The following PDXK variants were observed in gnomAD, a reference collection of about 807,000 sequenced individuals.
PDXK encodes the protein epididymis secretory sperm binding protein Li 1a.
In PDXK, 15 loss-of-function variants were observed where a neutral mutation model predicts 43.2. The observed-to-expected ratio is 0.35, with a 90% confidence interval of 0.23 to 0.53. The LOEUF is 0.53. Ranked by LOEUF, PDXK falls within the 20% of genes least tolerant of loss-of-function variation. PDXK has a pLI of 0.92. For missense variants in PDXK, 343 were observed against 417.0 expected (o/e 0.82, Z 1.54); for synonymous variants, 172 against 165.4 (o/e 1.04, Z -0.31).
chr21:43,753,468 G>C, intron 8 of PDXK, 115 bp from the exon 9 acceptor site: 1 of 1,056,968 alleles, frequency 9.5e-7, no homozygotes, highest in Non-Finnish European at 1.4e-6. Flanking sequence ...AGGCCACCTT[G>C]TGCTCTGCCC....
intron 2 of PDXK, among the ~76,000 whole-genome samples, chr21:43,740,011 C>G (rs1312211078): frequency 6.6e-6 from 1 of 151,912 alleles, no homozygotes; most frequent in South Asian, 2.1e-4. Flanking sequence ...ACCTGCCCCT[C>G]CTGACCCCAG....
rs899555200 is a variant in PDXK at position 43,732,608 on chromosome 21, T to G, written c.88-1461T>G. 4 of 800,778 alleles carry G rather than the reference T, an allele frequency of 5.0e-6. No homozygotes were observed. The African/African-American group carries it at 6.7e-5, about 13-fold the overall frequency. The allele number at this position is 800,778 out of a possible 1,614,324, so 49.6% of individuals were successfully genotyped here. A position where few individuals can be genotyped will look rare whatever the true frequency, so the allele number is the denominator to read the frequency against. ...GAATATTTTGGCAGGATTTTCAGGA[T>G]TTGTGTCATCGTTGCTTAATATCTG... On this transcript the variant is annotated intron_variant, in intron 1 of 10. Transcript: ENST00000291565. The surrounding 1 kb of genome is among the most constrained non-coding windows in gnomAD (Gnocchi z 4.1).
chr21:43,728,884 A>G (rs1410399961), intron 1 of PDXK: 2 of 985,438 alleles, frequency 2.0e-6, no homozygotes, highest in Non-Finnish European at 2.4e-6. Flanking sequence ...CCCAGGAGGA[A>G]GTTGCGACCC....
chr21:43,745,331 A>G (rs537010259), intron 4 of PDXK, among the ~76,000 whole-genome samples: 2 of 152,020 alleles, frequency 1.3e-5, no homozygotes, highest in Non-Finnish European at 2.9e-5. Flanking sequence ...GAGGCAGGAG[A>G]ATCACTTGAA....
Position 43,737,113 on chromosome 21 carries a change from T to C in PDXK, c.142+2990T>C. 9.5e-7 allele frequency: 1 copy of C among 1,057,292 alleles called. No individual in the cohort carries two copies. The highest frequency in any genetic ancestry group is 1.6e-5 in the African/African-American group (1 of 64,178). The allele number at this position is 1,057,292 out of a possible 1,614,324, so 65.5% of individuals were successfully genotyped here. On this transcript the variant is annotated intron_variant, in intron 2 of 10. Coordinates refer to ENST00000291565, the MANE Select transcript of PDXK (RefSeq NM_003681.5). The surrounding 1 kb of genome is among the most constrained non-coding windows in gnomAD (Gnocchi z 4.8). ...ACGCCCACCTCCTGCCCAGGGTTGT[T>C]ACTGGGGTGGTCACGTGGGCAGCTT...
At chr21:43,742,217 T>C (rs2083548870) in intron 3 of PDXK, among the ~76,000 whole-genome samples, 1 of 152,222 alleles carries the variant, frequency 6.6e-6, no homozygotes, top group South Asian at 2.1e-4. Flanking sequence ...TCTCACTCTG[T>C]GGCCCAGGCT....
chr21:43,728,877 A>G (rs373361957), intron 1 of PDXK: 1 of 985,572 alleles, frequency 1.0e-6, no homozygotes. Flanking sequence ...GGAAGTTCCC[A>G]GGAGGAAGTT....
chr21:43,749,168 G>C, intron 6 of PDXK, 88 bp downstream of exon 6: 3 of 735,752 alleles, frequency 4.1e-6, no homozygotes, highest in South Asian at 1.7e-5. Context: ...GCAGTGGCAC[G>C]ATCACAGCTC....
rs2083833789 is a variant in PDXK, at chr21:43,755,575, G to A, written c.760-123G>A. On this transcript the variant is annotated intron_variant, in intron 9 of 10. Coordinates refer to ENST00000291565, the MANE Select transcript of PDXK (RefSeq NM_003681.5). ...TTCAGCACGTGCATTGGCGGAGCCG[G>A]CTCCCCGGTGGCTCGGAGAGCAGGA... 7 of 842,308 alleles carry A rather than the reference G, an allele frequency of 8.3e-6. No individual in the cohort carries two copies. In the East Asian group the frequency reaches 1.2e-4, roughly 15 times the overall value. 52.2% of individuals were successfully genotyped at this position (842,308 alleles called of 1,614,324 possible). A position where few individuals can be genotyped will look rare whatever the true frequency, so the allele number is the denominator to read the frequency against.
At position 43,743,040 on chromosome 21, in the gene PDXK, C is replaced by T. The variant is rs567896629; in HGVS notation, c.248-684C>T. On this transcript the variant is annotated intron_variant, in intron 3 of 10. Transcript: ENST00000291565. ...GTGTCTTTCAACTGTGAGGACACCT[C>T]GTTTGCACCCACCTCCCTCCCCCCA... Among the ~76,000 whole-genome samples, 169 of 152,006 alleles carry T rather than the reference C, an allele frequency of 1.1e-3. 2 individuals carry two copies. The highest frequency in any genetic ancestry group is 1.9e-3 in the Non-Finnish European group (127 of 67,972).
chr21:43,733,504 T>C (rs1358549746), intron 1 of PDXK: 3 of 247,034 alleles, frequency 1.2e-5, no homozygotes, highest in Non-Finnish European at 1.9e-5. Context: ...ATTCCGTCCT[T>C]CCTCTCCATC....
chr21:43,752,126 T>TGTGTGC (rs1555885930), intron 7 of PDXK, among the ~76,000 whole-genome samples: 4 of 130,596 alleles, frequency 3.1e-5, no homozygotes, highest in Admixed American at 7.6e-5. Flanking sequence ...TGTGTGTGTG[T>TGTGTGC]GCGCGCGCGT....
Position 43,749,025 on chromosome 21 carries a change from A to C in PDXK, c.409A>C (p.Lys137Gln), listed in dbSNP as rs1360203231. Residue 137 changes from lysine to glutamine, a missense_variant, in exon 6 of 11, where the codon AAA becomes CAA. By Grantham distance (53) the Lys-to-Gln change is moderately conservative. Coordinates refer to ENST00000291565, the MANE Select transcript of PDXK (RefSeq NM_003681.5). ...YVPEDLLPVYKEKVVPLADII... is the reference protein window; with the variant it reads ...YVPEDLLPVYQEKVVPLADII... ...CCCGGAGGACCTCCTTCCCGTCTAC[A>C]AAGAAAAAGTGGTGCCGCTTGCAGA... The C allele has an allele frequency of 6.2e-7, 1 of 1,612,840 alleles. No homozygotes were observed. The highest frequency in any genetic ancestry group is 1.3e-5 in the African/African-American group (1 of 75,036).
intron 1 of PDXK, among the ~76,000 whole-genome samples, chr21:43,720,046 G>C (rs1000332277): frequency 2.6e-5 from 4 of 152,242 alleles, no homozygotes; most frequent in Admixed American, 1.3e-4. Context: ...CCAGAGAGCA[G>C]TTCGGGACTG....
At position 43,732,351 on chromosome 21, in the gene PDXK, C is replaced by G; in HGVS notation, c.88-1718C>G. The stretch of plus-strand genomic sequence containing the variant: ...CCCCGTGCATTGTCGTCTTCTGAGT[C>G]TGGCTTTGTCTGGCACATGAAGTTG... On this transcript the variant is annotated intron_variant, in intron 1 of 10. Transcript: ENST00000291565. The surrounding 1 kb of genome is among the most constrained non-coding windows in gnomAD (Gnocchi z 4.1). The G allele has an allele frequency of 6.2e-7, 1 of 1,609,194 alleles. No individual in the cohort carries two copies. The highest frequency in any genetic ancestry group is 8.5e-7 in the Non-Finnish European group (1 of 1,176,832).
chr21:43,739,861 G>T (rs188774946), intron 2 of PDXK, among the ~76,000 whole-genome samples: 1 of 151,796 alleles, frequency 6.6e-6, no homozygotes, highest in East Asian at 1.9e-4. Context: ...AAAGGACCAG[G>T]AGGGACCATT....
rs1006715713 is a variant in PDXK at position 43,749,094 on chromosome 21, T to C, written c.464+14T>C. 13 of 1,526,750 alleles carry C rather than the reference T, an allele frequency of 8.5e-6. No individual in the cohort carries two copies. In the East Asian group the frequency reaches 1.4e-4, roughly 16 times the overall value. The allele number at this position is 1,526,750 out of a possible 1,614,324, so 94.6% of individuals were successfully genotyped here. On this transcript the variant is annotated intron_variant, in intron 6 of 10. Transcript: ENST00000291565. The stretch of plus-strand genomic sequence containing the variant: ...GTTTGAGGCCGAGTAAGTCATTTTA[T>C]TTTATTTTACTTTATTTATTTATTT...
At chr21:43,725,192 G>A (rs1170456709) in intron 1 of PDXK, among the ~76,000 whole-genome samples, 1 of 151,870 alleles carries the variant, frequency 6.6e-6, no homozygotes, top group Admixed American at 6.6e-5. Context: ...GCGTGGTGGT[G>A]GGCGACTGTA....
intron 1 of PDXK, among the ~76,000 whole-genome samples, chr21:43,731,903 G>A (rs2083323252): frequency 6.6e-6 from 1 of 152,264 alleles, no homozygotes; most frequent in African/African-American, 2.4e-5. Context: ...CTGACCCTGG[G>A]ATAAGAGAAT....
Sources: gnomAD v4.1 joint callset for allele counts (sites outside exome capture counted in the v4.1 genomes callset) on GRCh38, gnomAD v4.1.1 for gene constraint, Gnocchi (gnomAD v3.1) non-coding constraint, MANE v1.5 for transcripts, NCBI Gene and HGNC (gene_info 2026-07-23, HGNC 2026-07-21) for gene names.